Variants in ERC2 observed in about 807,000 individuals in gnomAD.
ERC2 encodes the protein ERC protein 2.
Under a neutral mutation model 114.8 loss-of-function variants are expected in ERC2, and 42 were observed. The observed-to-expected ratio is 0.37, with a 90% CI of 0.29 to 0.47. The LOEUF is 0.47. Among genes scored for constraint, ERC2 ranks in the 20% least tolerant of loss-of-function variants. The pLI is 0.99. For missense variants in ERC2, 939 were observed against 1,150.7 expected, an observed-to-expected ratio of 0.82 and a Z score of 2.66; for synonymous variants, 454 against 425.5, an observed-to-expected ratio of 1.07 and a Z score of -0.82.
intron 14 of ERC2, among the ~76,000 whole-genome samples, chr3:55,753,233 A>G (rs1046342593): frequency 3.9e-5 from 6 of 152,298 alleles, no homozygotes; most frequent in South Asian, 2.1e-4. Context: ...CTTCCCCCCA[A>G]TCCCACTGCC....
intron 10 of ERC2, among the ~76,000 whole-genome samples, chr3:55,995,659 G>T (rs1427138209): frequency 2.0e-5 from 3 of 152,144 alleles, no homozygotes; most frequent in Non-Finnish European, 2.9e-5. Flanking sequence ...CCCCAGCTAA[G>T]CTTAGGTATT....
intron 14 of ERC2, among the ~76,000 whole-genome samples, chr3:55,785,624 G>T (rs1314853377): frequency 6.6e-6 from 1 of 152,174 alleles, no homozygotes; most frequent in African/African-American, 2.4e-5. Flanking sequence ...AGCCAGCAAG[G>T]GCTGCCTCTT....
chr3:55,994,488 C>T (rs542749386), intron 10 of ERC2, among the ~76,000 whole-genome samples: 3 of 151,904 alleles, frequency 2.0e-5, no homozygotes, highest in South Asian at 2.1e-4. Flanking sequence ...GCCTAAAAAC[C>T]ATGAAAACTA....
At chr3:56,374,560 A>G (rs563572680) in intron 2 of ERC2, among the ~76,000 whole-genome samples, 10 of 152,320 alleles carry the variant, frequency 6.6e-5, no homozygotes, top group African/African-American at 2.4e-4. Context: ...GATGGGTTCC[A>G]TCATTATCTC....
At chr3:55,808,701 TTATATATATATATATATATATATATA>T (rs377604698) in intron 14 of ERC2, among the ~76,000 whole-genome samples, 1 of 61,738 alleles carries the variant, frequency 1.6e-5, no homozygotes, top group African/African-American at 6.5e-5. Context: ...TACCATAATT[TTATATATATATATATATATATATATA>T]TATATATATA....
chr3:56,198,356 G>T (rs1001054359), intron 3 of ERC2, among the ~76,000 whole-genome samples: 1 of 152,180 alleles, frequency 6.6e-6, no homozygotes, highest in Admixed American at 6.5e-5. Flanking sequence ...GCAGTGTAAG[G>T]GTTTAAGATG....
At chr3:56,119,567 C>T (rs765624784) in intron 6 of ERC2, among the ~76,000 whole-genome samples, 1 of 152,162 alleles carries the variant, frequency 6.6e-6, no homozygotes, top group Non-Finnish European at 1.5e-5. Flanking sequence ...GCTTAGCTTC[C>T]TTTTCTCATT....
At chr3:55,809,663 C>A (rs2059639166) in intron 14 of ERC2, among the ~76,000 whole-genome samples, 1 of 152,166 alleles carries the variant, frequency 6.6e-6, no homozygotes, top group African/African-American at 2.4e-5. Context: ...TATTCCCCAG[C>A]ACTTTTGCAG....
At chr3:55,801,633 T>G (rs1255902014) in intron 14 of ERC2, among the ~76,000 whole-genome samples, 1 of 152,220 alleles carries the variant, frequency 6.6e-6, no homozygotes, top group Admixed American at 6.5e-5. Flanking sequence ...CCAGAGGGAA[T>G]CCTAATATTT....
At chr3:55,789,007 A>T (rs1575602865) in intron 14 of ERC2, among the ~76,000 whole-genome samples, 2 of 152,166 alleles carry the variant, frequency 1.3e-5, no homozygotes, top group African/African-American at 4.8e-5. Flanking sequence ...TAGTTTTTCC[A>T]ATTCAGACTT....
chr3:56,322,888 G>A (rs1409140153), intron 2 of ERC2, among the ~76,000 whole-genome samples: 1 of 152,184 alleles, frequency 6.6e-6, no homozygotes. Context: ...ACAGTGTTGG[G>A]ACATGGGGCC....
At chr3:56,290,094 C>T (rs2054986730) in intron 3 of ERC2, among the ~76,000 whole-genome samples, 1 of 152,194 alleles carries the variant, frequency 6.6e-6, no homozygotes, top group Non-Finnish European at 1.5e-5. Context: ...GGATGCTCAA[C>T]ATATGCCCAA....
At chr3:55,806,531 C>G (rs749392215) in intron 14 of ERC2, among the ~76,000 whole-genome samples, 107 of 151,982 alleles carry the variant, frequency 7.0e-4, no homozygotes, top group Non-Finnish European at 1.3e-3. Context: ...TAGAATTGAG[C>G]CCCGGGATTC....
intron 3 of ERC2, among the ~76,000 whole-genome samples, chr3:56,281,630 T>C (rs1289504940): frequency 6.6e-6 from 1 of 152,078 alleles, no homozygotes; most frequent in Non-Finnish European, 1.5e-5. Flanking sequence ...TAGATATAGA[T>C]ACAGATATAG....
chr3:56,122,988 A>G (rs1458722845), intron 6 of ERC2, among the ~76,000 whole-genome samples: 1 of 152,182 alleles, frequency 6.6e-6, no homozygotes, highest in Non-Finnish European at 1.5e-5. Flanking sequence ...AACACAAAGC[A>G]TAGTTGATGA....
chr3:55,603,179 G>C (rs2148535415), intron 17 of ERC2, among the ~76,000 whole-genome samples: 1 of 152,244 alleles, frequency 6.6e-6, no homozygotes, highest in East Asian at 1.9e-4. Flanking sequence ...CAAATGAAAG[G>C]CTTCCTAATG....
intron 17 of ERC2, among the ~76,000 whole-genome samples, chr3:55,530,904 G>A (rs1364066639): frequency 6.6e-6 from 1 of 152,160 alleles, no homozygotes; most frequent in African/African-American, 2.4e-5. Context: ...ACAGGAGCAC[G>A]GTTTGGATTC....
At chr3:56,406,204 A>G (rs982155905) in intron 2 of ERC2, among the ~76,000 whole-genome samples, 2 of 152,044 alleles carry the variant, frequency 1.3e-5, no homozygotes, top group African/African-American at 4.8e-5. Flanking sequence ...CGATATGAAC[A>G]TTTTTAAGAC....
intron 13 of ERC2, among the ~76,000 whole-genome samples, chr3:55,891,626 T>C (rs1346758950): frequency 6.6e-6 from 1 of 151,916 alleles, no homozygotes; most frequent in Non-Finnish European, 1.5e-5. Flanking sequence ...TTTGTATTTT[T>C]AGTAGAGACG....
Sources: allele counts gnomAD v4.1 joint callset (sites outside exome capture counted in the v4.1 genomes callset), GRCh38; gene constraint gnomAD v4.1.1; transcripts MANE v1.5; gene names NCBI Gene and HGNC (gene_info 2026-07-23, HGNC 2026-07-21).